The following DRICH1 variants were observed in gnomAD, a reference collection of about 807,000 sequenced individuals.
DRICH1 encodes the protein aspartate-rich protein 1.
Under a neutral mutation model 39.5 loss-of-function variants are expected in DRICH1, and 38 were observed. That is an observed-to-expected ratio of 0.96 (90% confidence interval 0.74 to 1.26). DRICH1 has a LOEUF of 1.26. Among genes scored for constraint, DRICH1 ranks in the 50% most tolerant of loss-of-function variants. The pLI is 0.00. For missense variants in DRICH1, 279 were observed against 270.4 expected (o/e 1.03, Z -0.22); for synonymous variants, 84 against 99.5 (o/e 0.84, Z 0.93).
the DRICH1 span, chr22:23,583,001 G>A: frequency 3.3e-5 from 5 of 152,142 alleles, no homozygotes; most frequent in East Asian, 5.8e-4. Context: ...CAACTCAGAG[G>A]GTGTAAAATT....
the DRICH1 span, among the ~76,000 whole-genome samples, chr22:23,601,371 C>T: frequency 1.3e-5 from 2 of 152,154 alleles, no homozygotes; most frequent in Non-Finnish European, 2.9e-5. Context: ...TCCTAGTCAG[C>T]ATTAAAAATG....
chr22:23,617,449 C>T, intron 7 of DRICH1, 126 bp downstream of exon 7: 1 of 1,101,074 alleles, frequency 9.1e-7, no homozygotes, highest in Non-Finnish European at 1.4e-6. Flanking sequence ...GGCCCCCTCT[C>T]CTGGGAAATC....
chr22:23,609,067 G>T (rs1215515607), intron 11 of DRICH1, among the ~76,000 whole-genome samples: 1 of 152,170 alleles, frequency 6.6e-6, no homozygotes. Context: ...AGAAACTGCT[G>T]TCGGGAGAGG....
intron 6 of DRICH1, among the ~76,000 whole-genome samples, chr22:23,618,199 C>T (rs1394116500): frequency 6.6e-6 from 1 of 150,936 alleles, no homozygotes; most frequent in African/African-American, 2.4e-5. Flanking sequence ...CTGCAAGCTC[C>T]ACCTCCCAGG....
the DRICH1 span, chr22:23,583,712 G>C: frequency 6.6e-6 from 1 of 152,432 alleles, no homozygotes; most frequent in African/African-American, 2.4e-5. Context: ...CACTGATGCA[G>C]GTAGAGGGGA....
At chr22:23,620,417 C>G (rs535635766) in intron 5 of DRICH1, among the ~76,000 whole-genome samples, 177 bp downstream of exon 5, 290 of 152,242 alleles carry the variant, frequency 1.9e-3, no homozygotes, top group Non-Finnish European at 3.2e-3. Flanking sequence ...AAATCTCCTG[C>G]TTGGTCCTCT....
At chr22:23,617,873 C>T (rs1374254832) in intron 6 of DRICH1, among the ~76,000 whole-genome samples, 1 of 152,136 alleles carries the variant, frequency 6.6e-6, no homozygotes, top group African/African-American at 2.4e-5. Context: ...ACAGTCAACC[C>T]CAAATGGAAC....
the DRICH1 span, among the ~76,000 whole-genome samples, chr22:23,591,953 G>A: frequency 1.3e-5 from 2 of 152,156 alleles, no homozygotes; most frequent in African/African-American, 2.4e-5. Flanking sequence ...GGGGGAGCAG[G>A]CCCTCTGCTT....
the DRICH1 span, among the ~76,000 whole-genome samples, chr22:23,592,296 G>C: frequency 6.6e-6 from 1 of 152,198 alleles, no homozygotes; most frequent in African/African-American, 2.4e-5. Flanking sequence ...CAGGTCAGGA[G>C]GCTGTGCACT....
At chr22:23,610,713 T>C (rs1027072781) in intron 11 of DRICH1, among the ~76,000 whole-genome samples, 1 of 152,154 alleles carries the variant, frequency 6.6e-6, no homozygotes, top group East Asian at 1.9e-4. Context: ...CCTAAAGAAC[T>C]TCATACAAAA....
chr22:23,599,964 G>T, the DRICH1 span, among the ~76,000 whole-genome samples: 8 of 152,214 alleles, frequency 5.3e-5, no homozygotes, highest in East Asian at 1.5e-3. Flanking sequence ...CTTTGCCTGG[G>T]ACATCAGGAG....
intron 11 of DRICH1, among the ~76,000 whole-genome samples, chr22:23,610,130 G>A (rs942306062): frequency 3.9e-5 from 6 of 152,122 alleles, no homozygotes; most frequent in African/African-American, 1.2e-4. Context: ...TGTAGGGCAC[G>A]ACGTGGTCTC....
chr22:23,592,922 C>T, the DRICH1 span, among the ~76,000 whole-genome samples: 2 of 151,536 alleles, frequency 1.3e-5, no homozygotes, highest in Non-Finnish European at 2.9e-5. Context: ...ATCCCAGCTA[C>T]TCGGGAGGCT....
chr22:23,629,109 G>A (rs928861584), intron 1 of DRICH1, among the ~76,000 whole-genome samples: 12 of 152,150 alleles, frequency 7.9e-5, no homozygotes, highest in African/African-American at 2.9e-4. Context: ...CTCGATCTCA[G>A]CTCACTGCAA....
In DRICH1 at chr22:23,631,976, G is replaced by A. The variant is rs751449539; in HGVS notation, c.48C>T (p.Pro16=). 74 of 1,613,526 alleles carry A rather than the reference G, an allele frequency of 4.6e-5. No homozygotes were observed. The highest frequency in any genetic ancestry group is 6.1e-5 in the Non-Finnish European group (72 of 1,180,002). The change falls in exon 1 of 12, where the codon CCC becomes CCT. Residue 16 remains proline (P), a synonymous_variant. Coordinates refer to ENST00000317749, the MANE Select transcript of DRICH1 (RefSeq NM_016449.4). The part of the protein sequence containing the change: ...TCCINSHCGW[P]RGKDAPCYES... The stretch of plus-strand genomic sequence containing the variant: ...CATAACAGGGTGCGTCCTTCCCCCT[G>A]GGCCAGCCACAGTGGGAGTTGATAC...
At chr22:23,631,795 C>T (rs559326935) in intron 1 of DRICH1, 21 bp downstream of exon 1, 22 of 1,603,622 alleles carry the variant, frequency 1.4e-5, no homozygotes, top group South Asian at 1.2e-4. Flanking sequence ...AGAGGGTAAA[C>T]GGCACCCGTG....
downstream of DRICH1, among the ~76,000 whole-genome samples, chr22:23,605,883 T>C (rs1273614661): frequency 2.0e-5 from 3 of 151,824 alleles, no homozygotes; most frequent in Non-Finnish European, 2.9e-5. Context: ...GAGTTCGAGA[T>C]CAGCCTGGCC....
At chr22:23,584,951 C>T in the DRICH1 span, among the ~76,000 whole-genome samples, 10 of 152,284 alleles carry the variant, frequency 6.6e-5, no homozygotes, top group East Asian at 1.9e-3. Context: ...TTACCAGTTT[C>T]CCTCTATGTG....
At chr22:23,601,177 C>CAT in the DRICH1 span, among the ~76,000 whole-genome samples, 2 of 151,866 alleles carry the variant, frequency 1.3e-5, no homozygotes, top group Non-Finnish European at 2.9e-5. Context: ...CACACACACA[C>CAT]GTGGAAACAG....
Sources: allele counts gnomAD v4.1 joint callset (sites outside exome capture counted in the v4.1 genomes callset), GRCh38; gene constraint gnomAD v4.1.1; transcripts MANE v1.5; gene names NCBI Gene and HGNC (gene_info 2026-07-23, HGNC 2026-07-21).